Variants in APOL5 observed in about 807,000 individuals in gnomAD.
APOL5 encodes apolipoprotein L5.
In APOL5, 29 loss-of-function variants were observed where a neutral mutation model predicts 35.5. The ratio of observed to expected loss-of-function variants is 0.82; its 90% CI spans 0.61 to 1.11. APOL5 has a LOEUF of 1.11. Ranked by LOEUF, APOL5 falls within the 50% of genes most tolerant of loss-of-function variation. The pLI is 0.00. For missense variants in APOL5, 514 were observed against 530.4 expected (o/e 0.97, Z 0.30); for synonymous variants, 188 against 200.2 (o/e 0.94, Z 0.51).
intron 2 of APOL5, 117 bp from the exon 3 acceptor site, chr22:35,726,093 TG>T (rs1216997651): frequency 8.5e-7 from 1 of 1,177,364 alleles, no homozygotes; most frequent in Non-Finnish European, 1.2e-6. Context: ...CCCCTTTCAC[TG>T]CTGTAATTTC....
At chr22:35,722,076 C>T (rs1488579097) in intron 2 of APOL5, among the ~76,000 whole-genome samples, 2 of 152,166 alleles carry the variant, frequency 1.3e-5, no homozygotes, top group African/African-American at 4.8e-5. Flanking sequence ...CCAGTGCTCC[C>T]GTTAAGTCTG....
At chr22:35,718,891 T>A (rs1013806205) in intron 1 of APOL5, among the ~76,000 whole-genome samples, 1 of 151,966 alleles carries the variant, frequency 6.6e-6, no homozygotes, top group Non-Finnish European at 1.5e-5. Flanking sequence ...AACCCCCATC[T>A]CTACTACAAA....
intron 2 of APOL5, among the ~76,000 whole-genome samples, chr22:35,722,610 T>C (rs1325554115): frequency 6.6e-6 from 1 of 152,118 alleles, no homozygotes; most frequent in African/African-American, 2.4e-5. Context: ...CCTAGGTTCT[T>C]ACCCTAACTC....
At chr22:35,722,782 CTT>C (rs535751827) in intron 2 of APOL5, among the ~76,000 whole-genome samples, 1 of 152,320 alleles carries the variant, frequency 6.6e-6, no homozygotes, top group East Asian at 1.9e-4. Flanking sequence ...CAGCAGCACT[CTT>C]TCCCAAAGAG....
At chr22:35,716,627 T>C (rs1926752128), upstream of APOL5, among the ~76,000 whole-genome samples, 1 of 152,122 alleles carries the variant, frequency 6.6e-6, no homozygotes, top group Non-Finnish European at 1.5e-5. Context: ...TATAGATGAG[T>C]GAAAAGTGCA....
chr22:35,724,350 A>G (rs1348116033), intron 2 of APOL5, among the ~76,000 whole-genome samples: 1 of 149,566 alleles, frequency 6.7e-6, no homozygotes, highest in African/African-American at 2.4e-5. Flanking sequence ...TTCCCTGCCC[A>G]GAAGCAACCA....
intron 1 of APOL5, among the ~76,000 whole-genome samples, chr22:35,720,270 C>T (rs984630884): frequency 7.2e-5 from 11 of 152,222 alleles, no homozygotes; most frequent in Admixed American, 5.2e-4. Context: ...ATATCATTAA[C>T]GTATAACGTC....
At chr22:35,725,908 G>T (rs189118299) in intron 2 of APOL5, among the ~76,000 whole-genome samples, 1 of 152,272 alleles carries the variant, frequency 6.6e-6, no homozygotes, top group Non-Finnish European at 1.5e-5. Flanking sequence ...TCCTATAAAG[G>T]CAGTCTGGTC....
chr22:35,725,676 G>A (rs917824647), intron 2 of APOL5, among the ~76,000 whole-genome samples: 2 of 152,144 alleles, frequency 1.3e-5, no homozygotes, highest in African/African-American at 4.8e-5. Context: ...CGCTGAGCGG[G>A]TTCCTGGGTA....
intron 1 of APOL5, 108 bp from the exon 2 acceptor site, chr22:35,720,460 A>C: frequency 1.2e-6 from 1 of 805,746 alleles, no homozygotes; most frequent in Non-Finnish European, 2.0e-6. Flanking sequence ...TTTTTTTTCT[A>C]ATTCTCCAAT....
Position 35,726,394 on chromosome 22 carries a change from A to G in APOL5, c.326A>G (p.His109Arg), listed in dbSNP as rs768841637. 2.5e-6 allele frequency: 4 copies of G among 1,614,132 alleles called. No individual in the cohort carries two copies. In the South Asian group the frequency reaches 4.4e-5, roughly 18 times the overall value. The change falls in exon 3 of 5, where the codon CAC (histidine) becomes CGC (arginine). Residue 109 changes from histidine (H) to arginine (R), a missense_variant. Physicochemically the swap from His to Arg is conservative, Grantham distance 29. Transcript: ENST00000249044. ...TTGTTTCTCTCATATTTTCCTTTGCACAAGTTTGAGCTAGAACAGAACATC... is the reference window on the plus strand; with the variant it reads ...TTGTTTCTCTCATATTTTCCTTTGCGCAAGTTTGAGCTAGAACAGAACATC... ...EKLFLSYFPL[H>R]KFELEQNIKE...
upstream of APOL5, among the ~76,000 whole-genome samples, chr22:35,714,813 T>A (rs527661851): frequency 8.9e-4 from 135 of 152,334 alleles, 1 homozygote; most frequent in South Asian, 0.012. Flanking sequence ...CATCTGTGTG[T>A]GATCCCTGAG....
In APOL5 at chr22:35,726,640, A is replaced by T; in HGVS notation, c.572A>T (p.Glu191Val). Residue 191 changes from glutamate to valine, a missense_variant, in exon 3 of 5, where the codon GAA becomes GTA. Physicochemically the swap from Glu to Val is moderately radical, Grantham distance 121. This residue lies in a region of APOL5 where 254 missense variants were observed against 254.7 expected (regional missense o/e 1.00). Coordinates refer to ENST00000249044, the MANE Select transcript of APOL5 (RefSeq NM_030642.1). ...ACCAACATAGTAACAAATGTCTTAG[A>T]AAATAGAAGCAATTCAGCAGCAAGA... is the stretch of plus-strand genomic sequence containing the variant. ...AITNIVTNVL[E>V]NRSNSAARDK... is the part of the protein sequence containing the mutation. 6.2e-7 allele frequency: 1 copy of T among 1,614,206 alleles called. No homozygotes were observed. Among genetic ancestry groups the T allele is most frequent in the Non-Finnish European group, 8.5e-7 (1 of 1,180,040 alleles).
chr22:35,726,917 A>ATG lies in APOL5; in HGVS notation c.849_850insTG (p.Thr284Ter). The ATG allele has an allele frequency of 6.2e-7, 1 of 1,614,194 alleles. No individual in the cohort carries two copies. Among genetic ancestry groups the ATG allele is most frequent in the Non-Finnish European group, 8.5e-7 (1 of 1,180,026 alleles). On this transcript the variant is annotated frameshift_variant, in exon 3 of 5. Transcript: ENST00000249044. LOFTEE classifies it high-confidence loss of function. ...GGGTGCAGAGAGCCTTTGAGGGCAC[A>ATG]ACTCTGGCCATGACCAATGGTGCCT...
At chr22:35,719,602 A>G (rs1419807841) in intron 1 of APOL5, among the ~76,000 whole-genome samples, 1 of 152,244 alleles carries the variant, frequency 6.6e-6, no homozygotes, top group South Asian at 2.1e-4. Flanking sequence ...AAGTTCCCTT[A>G]TCCCCCTTGC....
At chr22:35,725,069 C>G (rs1927103597) in intron 2 of APOL5, among the ~76,000 whole-genome samples, 1 of 152,184 alleles carries the variant, frequency 6.6e-6, no homozygotes, top group Admixed American at 6.5e-5. Context: ...TTCTGTCTGT[C>G]TGTCTGTCTG....
intron 2 of APOL5, among the ~76,000 whole-genome samples, chr22:35,721,536 G>A (rs1199954865): frequency 9.3e-6 from 1 of 107,880 alleles, no homozygotes; most frequent in Non-Finnish European, 1.9e-5. Flanking sequence ...ACAGAGCAGG[G>A]CTTCATTTAA....
rs1176236902 is a variant in APOL5, at chr22:35,720,489, A to T, written c.56-79A>T. 7 of 1,284,190 alleles carry T rather than the reference A, an allele frequency of 5.5e-6. No homozygotes were observed. In the East Asian group the frequency reaches 1.2e-4, roughly 21 times the overall value. The allele number at this position is 1,284,190 out of a possible 1,614,324, so 79.5% of individuals were successfully genotyped here. ...CTCCAATATTGTAATTAGACAGCCAACTTTCCCGGAGCACTGTTATGTCTT... is the reference window on the plus strand; with the variant it reads ...CTCCAATATTGTAATTAGACAGCCATCTTTCCCGGAGCACTGTTATGTCTT... On this transcript the variant is annotated intron_variant, in intron 1 of 4. Transcript: ENST00000249044.
At chr22:35,720,142 A>C (rs538590164) in intron 1 of APOL5, among the ~76,000 whole-genome samples, 5 of 152,334 alleles carry the variant, frequency 3.3e-5, no homozygotes, top group African/African-American at 1.2e-4. Flanking sequence ...AAAATGCAGC[A>C]TTTGGGAGCG....
Sources: allele counts gnomAD v4.1 joint callset (sites outside exome capture counted in the v4.1 genomes callset), GRCh38; gene constraint gnomAD v4.1.1; regional missense constraint gnomAD v4.1.1; transcripts MANE v1.5; gene names NCBI Gene and HGNC (gene_info 2026-07-23, HGNC 2026-07-21).